MEMO1: variants seen among roughly 807,000 people sequenced by gnomAD.
The protein encoded by MEMO1 is protein MEMO1.
A neutral mutation model predicts 45.2 loss-of-function variants in MEMO1; 6 were observed. That is an observed-to-expected ratio of 0.13 (90% CI 0.07 to 0.26). The LOEUF is 0.26. MEMO1 is among the 10% of genes least tolerant of loss of function. MEMO1 has a pLI of 1.00. For synonymous variants in MEMO1, 78 were observed against 124.3 expected, an observed-to-expected ratio of 0.63 and a Z score of 2.48; for missense variants, 184 against 370.5, an observed-to-expected ratio of 0.50 and a Z score of 4.13.
chr2:31,941,501 C>T lies in MEMO1; in HGVS notation c.143+1801G>A, dbSNP rs578166865. Among the ~76,000 whole-genome samples, 3 of 152,312 alleles carry T rather than the reference C, an allele frequency of 2.0e-5. No individual in the cohort carries two copies. The East Asian group carries it at 5.8e-4, about 29-fold the overall frequency. ...GACATAGAATATAATTATTTGTTTA[C>T]TGCCTGTCTTCCCTAGTACCAAAAT... On this transcript the variant is annotated intron_variant, in intron 3 of 9. Transcript: ENST00000404530.
Position 31,940,813 on chromosome 2 carries a change from G to A in MEMO1, c.143+2489C>T, listed in dbSNP as rs144682885. 5.7e-4 allele frequency among the ~76,000 whole-genome samples: 87 copies of A among 152,262 alleles called. No individual in the cohort carries two copies. The East Asian group carries it at 0.016, about 27-fold the overall frequency. ...CTCCCAAAGGGCTGGGATTACAGGCGTGAGTCACTGCCCCTAGCCAAGTGT... is the reference window on the plus strand; with the variant it reads ...CTCCCAAAGGGCTGGGATTACAGGCATGAGTCACTGCCCCTAGCCAAGTGT... On this transcript the variant is annotated intron_variant, in intron 3 of 9. Coordinates refer to ENST00000404530, the MANE Select transcript of MEMO1 (RefSeq NM_001301833.4).
intron 7 of MEMO1, among the ~76,000 whole-genome samples, chr2:31,886,412 G>A (rs989098609): frequency 5.9e-5 from 9 of 151,998 alleles, no homozygotes; most frequent in African/African-American, 1.5e-4. Context: ...GTGTATTTAC[G>A]TATGTCTGCA....
chr2:31,923,400 G>A (rs1048148191), intron 4 of MEMO1: 10 of 322,054 alleles, frequency 3.1e-5, no homozygotes, highest in South Asian at 9.4e-5. Flanking sequence ...TATTAGCACT[G>A]CTAATCCTCA....
intron 8 of MEMO1, among the ~76,000 whole-genome samples, chr2:31,873,729 G>C (rs748938143): frequency 8.5e-5 from 13 of 152,074 alleles, no homozygotes; most frequent in Admixed American, 1.3e-4. Flanking sequence ...CATTAGATTT[G>C]TGGGTTTATA....
chr2:31,975,130 C>G (rs1034964147), intron 2 of MEMO1, among the ~76,000 whole-genome samples: 5 of 152,158 alleles, frequency 3.3e-5, no homozygotes, highest in African/African-American at 1.2e-4. Context: ...CAAGATCGTG[C>G]CACTGCACTC....
intron 5 of MEMO1, among the ~76,000 whole-genome samples, chr2:31,920,259 G>T (rs1415092499): frequency 1.3e-5 from 2 of 151,602 alleles, no homozygotes; most frequent in East Asian, 3.9e-4. Flanking sequence ...CGTGACTCTG[G>T]ACGCCTATGG....
At chr2:32,004,487 C>T (rs996854207) in intron 2 of MEMO1, among the ~76,000 whole-genome samples, 33 of 152,160 alleles carry the variant, frequency 2.2e-4, no homozygotes, top group Middle Eastern at 3.4e-3. Context: ...CACTACACAC[C>T]CTTCCAGAAT....
chr2:32,003,733 C>CTA (rs1173826332), intron 2 of MEMO1, among the ~76,000 whole-genome samples: 2 of 152,114 alleles, frequency 1.3e-5, no homozygotes, highest in Non-Finnish European at 2.9e-5. Flanking sequence ...AAGCACTAAC[C>CTA]AACTGATAAA....
chr2:31,869,327 G>T (rs1006468535), intron 9 of MEMO1, among the ~76,000 whole-genome samples: 3 of 151,960 alleles, frequency 2.0e-5, no homozygotes, highest in African/African-American at 7.2e-5. Context: ...AGAAAAAAAT[G>T]CTATTTCTTT....
intron 4 of MEMO1, among the ~76,000 whole-genome samples, chr2:31,924,544 T>C (rs528795297): frequency 6.6e-6 from 1 of 152,152 alleles, no homozygotes; most frequent in South Asian, 2.1e-4. Flanking sequence ...ATAATAGCTA[T>C]AATAGAGAAT....
intron 6 of MEMO1, among the ~76,000 whole-genome samples, chr2:31,896,933 T>TC (rs1020685379): frequency 1.3e-5 from 2 of 152,232 alleles, no homozygotes; most frequent in African/African-American, 2.4e-5. Context: ...CTTGAAGATG[T>TC]CCTTCACATC....
At chr2:31,989,692 T>C (rs192672060) in intron 2 of MEMO1, among the ~76,000 whole-genome samples, 316 of 152,374 alleles carry the variant, frequency 2.1e-3, no homozygotes, top group African/African-American at 6.9e-3. Flanking sequence ...TTGACTTTCA[T>C]AGATATATTA....
rs768870924 is a variant in MEMO1 at position 31,920,904 on chromosome 2, T to G, written c.219A>C (p.Arg73Ser). 2.5e-6 allele frequency: 4 copies of G among 1,609,398 alleles called. No homozygotes were observed. The highest frequency in any genetic ancestry group is 3.4e-6 in the Non-Finnish European group (4 of 1,177,384). The change falls in exon 5 of 10, where the codon AGA (arginine) becomes AGC (serine). Residue 73 changes from arginine to serine, a missense_variant. Coordinates refer to ENST00000404530, the MANE Select transcript of MEMO1 (RefSeq NM_001301833.4). ...YKQVDPSITRRIFILGPSHHV... is the reference protein window; with the variant it reads ...YKQVDPSITRSIFILGPSHHV... ...GATGAGAAGGCCCAAGGATGAAAATTCTCCGGCTAGGAGATACACAACAAA... is the reference window on the plus strand; with the variant it reads ...GATGAGAAGGCCCAAGGATGAAAATGCTCCGGCTAGGAGATACACAACAAA...
At chr2:31,966,233 T>C (rs1162689410) in intron 2 of MEMO1, among the ~76,000 whole-genome samples, 2 of 152,110 alleles carry the variant, frequency 1.3e-5, no homozygotes, top group Admixed American at 1.3e-4. Flanking sequence ...CATAATACAT[T>C]ACAAAAATGG....
At chr2:31,938,923 G>T (rs1403455808) in intron 3 of MEMO1, among the ~76,000 whole-genome samples, 1 of 151,222 alleles carries the variant, frequency 6.6e-6, no homozygotes, top group East Asian at 2.0e-4. Context: ...AGTAGCTGGG[G>T]CTGCAGGCTC....
intron 2 of MEMO1, among the ~76,000 whole-genome samples, chr2:32,001,725 A>T (rs557738657): frequency 1.1e-3 from 161 of 152,290 alleles, no homozygotes; most frequent in African/African-American, 3.6e-3. Flanking sequence ...ATTTACAAGT[A>T]ATATGACTCA....
intron 2 of MEMO1, among the ~76,000 whole-genome samples, chr2:31,989,447 T>C (rs768706323): frequency 6.6e-6 from 1 of 152,228 alleles, no homozygotes; most frequent in Non-Finnish European, 1.5e-5. Context: ...TAATGAAATG[T>C]GTAAACATTT....
intron 7 of MEMO1, among the ~76,000 whole-genome samples, chr2:31,883,935 T>C (rs1675784125): frequency 1.3e-5 from 2 of 150,842 alleles, no homozygotes; most frequent in African/African-American, 4.9e-5. Flanking sequence ...TCGCAAATAC[T>C]GTGACTTGTG....
At chr2:32,005,648 G>A (rs1673973500) in intron 2 of MEMO1, among the ~76,000 whole-genome samples, 1 of 151,940 alleles carries the variant, frequency 6.6e-6, no homozygotes, top group Non-Finnish European at 1.5e-5. Context: ...AGACTTGAAT[G>A]GCAGCAGTCT....
Sources: allele counts gnomAD v4.1 joint callset (sites outside exome capture counted in the v4.1 genomes callset), GRCh38; gene constraint gnomAD v4.1.1; transcripts MANE v1.5; gene names NCBI Gene and HGNC (gene_info 2026-07-23, HGNC 2026-07-21).